RPGRIP1: variants seen among roughly 807,000 people sequenced by gnomAD.
The protein encoded by RPGRIP1 is RPGR interacting protein 1.
RPGRIP1 carries 128 observed loss-of-function variants against 157.9 expected under a neutral mutation model. That is an observed-to-expected ratio of 0.81 (90% CI 0.70 to 0.94). The LOEUF is 0.94. Among genes scored for constraint, RPGRIP1 ranks in the 40% least tolerant of loss-of-function variants. The pLI is 0.00. For synonymous variants in RPGRIP1, 554 were observed against 571.6 expected (o/e 0.97, Z 0.44); for missense variants, 1,486 against 1,545.8 (o/e 0.96, Z 0.65).
At chr14:21,289,151 C>T (rs1264014655) in intron 2 of RPGRIP1, among the ~76,000 whole-genome samples, 1 of 151,960 alleles carries the variant, frequency 6.6e-6, no homozygotes, top group Admixed American at 6.6e-5. Context: ...CATGGTGAAA[C>T]CCCGTCTCTA....
chr14:21,318,125 A>T (rs1434123243), intron 11 of RPGRIP1: 1 of 584,794 alleles, frequency 1.7e-6, no homozygotes, highest in Non-Finnish European at 3.2e-6. Flanking sequence ...TTTGTTTTTG[A>T]GGTGGAGTTT....
chr14:21,292,918 G>A lies in RPGRIP1; in HGVS notation c.86-1759G>A, dbSNP rs188167941. Among the ~76,000 whole-genome samples the A allele has an allele frequency of 1.6e-4, 24 of 151,438 alleles. No individual in the cohort carries two copies. The East Asian group carries it at 3.7e-3, about 23-fold the overall frequency. ...TCCCAGCACTTTGGGAGGCCGAGGC[G>A]GGTGGATCACGAGGTCAAGAGATGG... On this transcript the variant is annotated intron_variant, in intron 2 of 24. Coordinates refer to ENST00000400017, the MANE Select transcript of RPGRIP1 (RefSeq NM_020366.4).
Position 21,343,054 on chromosome 14 carries a change from A to T in RPGRIP1, c.3358A>T (p.Ile1120Phe). 1 of 1,612,672 alleles carries T rather than the reference A, an allele frequency of 6.2e-7. No homozygotes were observed. The highest frequency in any genetic ancestry group is 1.7e-5 in the Admixed American group (1 of 59,734). ...YPKADSEKMC[I>F]EIVSLAFYPE... The stretch of plus-strand genomic sequence containing the variant: ...TTATCAGGATTCAGAGAAGATGTGC[A>T]TTGAAATTGTCTCCCTGGCCTTCTA... Residue 1120 changes from isoleucine (I) to phenylalanine (F), a missense_variant, in exon 22 of 25, where the codon ATT becomes TTT. By Grantham distance (21) the Ile-to-Phe change is conservative (BLOSUM62 0). Coordinates refer to ENST00000400017, the MANE Select transcript of RPGRIP1 (RefSeq NM_020366.4).
At chr14:21,310,879 G>A (rs1485961708) in intron 8 of RPGRIP1, 2 of 650,680 alleles carry the variant, frequency 3.1e-6, no homozygotes, top group Non-Finnish European at 5.8e-6. Flanking sequence ...GCAAATTATA[G>A]CATTTGCTCA....
intron 19 of RPGRIP1, among the ~76,000 whole-genome samples, chr14:21,328,971 CT>C (rs1883413131): frequency 6.6e-6 from 1 of 152,002 alleles, no homozygotes. Flanking sequence ...TGGTGAAACC[CT>C]GTCTCTACTA....
At chr14:21,297,348 G>A (rs987621474) in intron 3 of RPGRIP1, among the ~76,000 whole-genome samples, 1 of 152,126 alleles carries the variant, frequency 6.6e-6, no homozygotes, top group African/African-American at 2.4e-5. Context: ...GCCTGCCTCG[G>A]CCTCCCAAAG....
chr14:21,303,228 C>T lies in RPGRIP1; in HGVS notation c.588-103C>T, dbSNP rs976372988. 5.2e-6 allele frequency: 4 copies of T among 764,206 alleles called. No individual in the cohort carries two copies. In the African/African-American group the frequency reaches 7.1e-5, roughly 13 times the overall value. The allele number at this position is 764,206 out of a possible 1,614,324, so 47.3% of individuals were successfully genotyped here. A position where few individuals can be genotyped will look rare whatever the true frequency, so the allele number is the denominator to read the frequency against. ...CTGTATTTTATAAGATTTTCCTCGA[C>T]ATGTACCAAGGTTACTGATTCACTT... On this transcript the variant is annotated intron_variant, in intron 5 of 24. Coordinates refer to ENST00000400017, the MANE Select transcript of RPGRIP1 (RefSeq NM_020366.4).
intron 21 of RPGRIP1, among the ~76,000 whole-genome samples, chr14:21,341,139 T>TCTCA (rs1449166233): frequency 2.0e-5 from 3 of 152,132 alleles, no homozygotes; most frequent in East Asian, 3.9e-4. Flanking sequence ...TTCAAGTGAT[T>TCTCA]CTCATGTCAG....
At chr14:21,310,941 A>G (rs368531749) in intron 8 of RPGRIP1, 4 of 554,636 alleles carry the variant, frequency 7.2e-6, no homozygotes, top group East Asian at 4.7e-5. Context: ...AGATATAACA[A>G]AGTTGTTGCA....
intron 1 of RPGRIP1, among the ~76,000 whole-genome samples, chr14:21,280,920 AT>A: frequency 6.6e-6 from 1 of 152,124 alleles, no homozygotes; most frequent in Non-Finnish European, 1.5e-5. Context: ...AAATTAATTA[AT>A]TTTTAATTGA....
chr14:21,291,660 A>G (rs1462080460), intron 2 of RPGRIP1, among the ~76,000 whole-genome samples: 2 of 151,844 alleles, frequency 1.3e-5, no homozygotes, highest in Non-Finnish European at 2.9e-5. Context: ...GGCTTACTGC[A>G]ACCTCTGCCT....
At chr14:21,340,193 T>C (rs1036355851) in intron 21 of RPGRIP1, among the ~76,000 whole-genome samples, 7 of 152,168 alleles carry the variant, frequency 4.6e-5, no homozygotes, top group African/African-American at 1.4e-4. Context: ...AATTAAAGTT[T>C]CTCTTGCACA....
chr14:21,300,881 T>C lies in RPGRIP1; in HGVS notation c.219-85T>C, dbSNP rs1880995611. ...ACGGTAGATGAATACATATTATAGA[T>C]CAATTCGTGATTATATGTCCCAAAT... On this transcript the variant is annotated intron_variant, in intron 3 of 24. Coordinates refer to ENST00000400017, the MANE Select transcript of RPGRIP1 (RefSeq NM_020366.4). 5 of 1,453,888 alleles carry C rather than the reference T, an allele frequency of 3.4e-6. No homozygotes were observed. The South Asian group carries it at 6.0e-5, about 18-fold the overall frequency. The allele number at this position is 1,453,888 out of a possible 1,614,324, so 90.1% of individuals were successfully genotyped here. A position where few individuals can be genotyped will look rare whatever the true frequency, so the allele number is the denominator to read the frequency against.
rs1886252061 is a variant in RPGRIP1 at position 21,351,198 on chromosome 14, T to C, written c.3843T>C (p.Thr1281=). The C allele has an allele frequency of 1.0e-5, 16 of 1,605,520 alleles. No homozygotes were observed. In the East Asian group the frequency reaches 2.7e-4, roughly 27 times the overall value. ...TCCATGCTATTTACAAGGAGATGAC[T>C]GAAGATTTGTTTTCATGAAGGAACA... ...AVLHAIYKEM[T]EDLFS The change falls in exon 25 of 25, where the codon ACT becomes ACC. Residue 1281 remains threonine, a synonymous_variant. Coordinates refer to ENST00000400017, the MANE Select transcript of RPGRIP1 (RefSeq NM_020366.4).
chr14:21,305,818 G>T (rs1384868848), intron 6 of RPGRIP1, among the ~76,000 whole-genome samples: 1 of 152,108 alleles, frequency 6.6e-6, no homozygotes, highest in African/African-American at 2.4e-5. Flanking sequence ...CCAAGATTAT[G>T]CTACTGCACT....
At chr14:21,312,949 C>T (rs1482031893) in intron 10 of RPGRIP1, among the ~76,000 whole-genome samples, 1 of 151,218 alleles carries the variant, frequency 6.6e-6, no homozygotes, top group Non-Finnish European at 1.5e-5. Flanking sequence ...CCTCCCACCT[C>T]AGCCTCCCCA....
At chr14:21,337,569 G>A (rs1196408004) in intron 21 of RPGRIP1, among the ~76,000 whole-genome samples, 1 of 150,732 alleles carries the variant, frequency 6.6e-6, no homozygotes, top group African/African-American at 2.4e-5. Context: ...AGGCTCCCGA[G>A]TAGCTGGGAC....
intron 1 of RPGRIP1, among the ~76,000 whole-genome samples, chr14:21,286,180 A>AG (rs1880291696): frequency 6.6e-6 from 1 of 152,100 alleles, no homozygotes; most frequent in East Asian, 1.9e-4. Context: ...TAGTGGAGAC[A>AG]GGGTTTCACC....
intron 19 of RPGRIP1, 62 bp downstream of exon 19, chr14:21,328,689 T>A: frequency 8.4e-7 from 1 of 1,184,490 alleles, no homozygotes; most frequent in Non-Finnish European, 1.2e-6. Context: ...GATGTATTAT[T>A]CTCAGAGGTA....
Sources: allele counts gnomAD v4.1 joint callset (sites outside exome capture counted in the v4.1 genomes callset), GRCh38; gene constraint gnomAD v4.1.1; transcripts MANE v1.5; gene names NCBI Gene and HGNC (gene_info 2026-07-23, HGNC 2026-07-21).